Variants in EFHB observed in about 807,000 individuals in gnomAD.
The protein encoded by EFHB is EF-hand domain-containing family member B.
EFHB carries 91 observed loss-of-function variants against 87.2 expected under a neutral mutation model. The ratio of observed to expected loss-of-function variants is 1.04; its 90% CI spans 0.88 to 1.24. EFHB has a LOEUF of 1.24. Among genes scored for constraint, EFHB ranks in the 50% most tolerant of loss-of-function variants. EFHB has a pLI of 0.00. For synonymous variants in EFHB, 325 were observed against 333.6 expected, an observed-to-expected ratio of 0.97 and a Z score of 0.28; for missense variants, 1,084 against 998.8, an observed-to-expected ratio of 1.09 and a Z score of -1.15.
At chr3:19,936,152 A>C, upstream of EFHB, 2 of 1,450,560 alleles carry the variant, frequency 1.4e-6, no homozygotes, top group Non-Finnish European at 9.3e-7. Context: ...TGTAATCTCA[A>C]CACTTCGGGA....
At chr3:19,904,856 A>G (rs1694786457) in intron 6 of EFHB, among the ~76,000 whole-genome samples, 1 of 152,228 alleles carries the variant, frequency 6.6e-6, no homozygotes, top group Non-Finnish European at 1.5e-5. Flanking sequence ...CCATGGTACC[A>G]GTATCCACAA....
intron 9 of EFHB, among the ~76,000 whole-genome samples, chr3:19,889,568 T>C (rs1362649101): frequency 2.0e-5 from 3 of 152,132 alleles, no homozygotes; most frequent in East Asian, 3.9e-4. Flanking sequence ...GGCAATCCCC[T>C]GGAGAACGAG....
At chr3:19,907,241 G>A (rs1283108437) in intron 5 of EFHB, among the ~76,000 whole-genome samples, 1 of 152,106 alleles carries the variant, frequency 6.6e-6, no homozygotes, top group Non-Finnish European at 1.5e-5. Context: ...TCACCAAAAT[G>A]AAAAGGCAAC....
upstream of EFHB, chr3:19,934,316 A>AATCTCTCTCTCTCTCC (rs1209452620): frequency 9.0e-7 from 1 of 1,114,774 alleles, no homozygotes; most frequent in African/African-American, 1.9e-5. Context: ...TCTCTCTCTC[A>AATCTCTCTCTCTCTCC]ATCTCTCTCT....
intron 1 of EFHB, among the ~76,000 whole-genome samples, chr3:19,930,246 T>C (rs1300134384): frequency 6.6e-6 from 1 of 152,198 alleles, no homozygotes; most frequent in Non-Finnish European, 1.5e-5. Context: ...AAAATAAATA[T>C]TTTAACATCT....
At chr3:19,942,982 C>T in intron 1 of EFHB, 2 of 258,852 alleles carry the variant, frequency 7.7e-6, no homozygotes, top group Non-Finnish European at 1.5e-5. Context: ...TTTTTTTTAT[C>T]TCTCCCTTGT....
At chr3:19,929,230 GGTCTCACTAT>G (rs1695741205) in intron 1 of EFHB, among the ~76,000 whole-genome samples, 1 of 150,516 alleles carries the variant, frequency 6.6e-6, no homozygotes, top group South Asian at 2.1e-4. Flanking sequence ...TAAGAGACAA[GGTCTCACTAT>G]GTTGCCCAGG....
At chr3:19,934,282 C>T (rs1381791538), upstream of EFHB, 1 of 1,368,094 alleles carries the variant, frequency 7.3e-7, no homozygotes, top group Non-Finnish European at 9.4e-7. Context: ...GGACAGATCC[C>T]TGCCCATCTC....
intron 4 of EFHB, among the ~76,000 whole-genome samples, chr3:19,916,705 T>A (rs983388270): frequency 2.0e-5 from 3 of 152,096 alleles, no homozygotes; most frequent in Non-Finnish European, 4.4e-5. Context: ...CAGTGAATAA[T>A]TTTGTTTTTA....
chr3:19,920,080 G>C, intron 2 of EFHB, 104 bp from the exon 3 acceptor site: 1 of 1,177,664 alleles, frequency 8.5e-7, no homozygotes, highest in Non-Finnish European at 1.2e-6. Flanking sequence ...CATGTATGTA[G>C]TAAATGCATT....
intron 6 of EFHB, among the ~76,000 whole-genome samples, chr3:19,899,810 C>G (rs937968538): frequency 5.9e-5 from 9 of 151,684 alleles, no homozygotes; most frequent in African/African-American, 2.2e-4. Flanking sequence ...CAGTGGCTCA[C>G]TGCTGTAATC....
chr3:19,942,349 G>C (rs1575059858), intron 1 of EFHB: 1 of 152,858 alleles, frequency 6.5e-6, no homozygotes, highest in East Asian at 1.9e-4. Flanking sequence ...ATTAAACCAA[G>C]CTGATATTGT....
chr3:19,943,545 T>C (rs1696207332), intron 1 of EFHB, among the ~76,000 whole-genome samples: 1 of 152,140 alleles, frequency 6.6e-6, no homozygotes, highest in African/African-American at 2.4e-5. Flanking sequence ...CCATCGAAAG[T>C]ATTTGAGTTA....
chr3:19,931,428 T>C (rs942838571), intron 1 of EFHB, among the ~76,000 whole-genome samples: 1 of 152,174 alleles, frequency 6.6e-6, no homozygotes, highest in South Asian at 2.1e-4. Context: ...AAGCTGTAAA[T>C]TGCAGAACCA....
chr3:19,933,641 T>A lies in EFHB; in HGVS notation c.378A>T (p.Ile126=). The A allele has an allele frequency of 6.2e-7, 1 of 1,614,014 alleles. No individual in the cohort carries two copies. Among genetic ancestry groups the A allele is most frequent in the Non-Finnish European group, 8.5e-7 (1 of 1,179,898 alleles). The change falls in exon 1 of 13, where the codon ATA becomes ATT. Residue 126 remains isoleucine, a synonymous_variant. Coordinates refer to ENST00000295824, the MANE Select transcript of EFHB (RefSeq NM_144715.4). ...CACACACCCTGCCCAAAGGAGGCTG[T>A]ATTATCCGTTCATGGGTATATCCTG... The part of the protein sequence containing the change: ...LLAGYTHERI[I]QPPLGRVCGS...
At chr3:19,909,049 C>T (rs1694966784) in intron 5 of EFHB, among the ~76,000 whole-genome samples, 1 of 124,754 alleles carries the variant, frequency 8.0e-6, no homozygotes, top group South Asian at 3.1e-4. Flanking sequence ...CCACCCCCTA[C>T]AAGGACCAAG....
intron 9 of EFHB, chr3:19,896,455 C>T: frequency 1.7e-6 from 1 of 601,696 alleles, no homozygotes; most frequent in Non-Finnish European, 3.0e-6. Context: ...GTTTTGAAGG[C>T]CATACAGTTT....
At chr3:19,943,156 G>T in intron 1 of EFHB, 2 of 247,264 alleles carry the variant, frequency 8.1e-6, no homozygotes, top group Non-Finnish European at 1.7e-5. Context: ...ATTCTTTGTG[G>T]CATCACTGAG....
chr3:19,880,529 G>C (rs1574984337), intron 12 of EFHB, among the ~76,000 whole-genome samples: 1 of 152,102 alleles, frequency 6.6e-6, no homozygotes, highest in African/African-American at 2.4e-5. Context: ...TGGGATTACA[G>C]GCATGAGCCT....
Sources: gnomAD v4.1 joint callset for allele counts (sites outside exome capture counted in the v4.1 genomes callset) on GRCh38, gnomAD v4.1.1 for gene constraint, MANE v1.5 for transcripts, NCBI Gene and HGNC (gene_info 2026-07-23, HGNC 2026-07-21) for gene names.